CDK15: variants seen among roughly 807,000 people sequenced by gnomAD.
CDK15 encodes cyclin-dependent kinase 15.
CDK15 carries 62 observed loss-of-function variants against 60.3 expected under a neutral mutation model. The ratio of observed to expected loss-of-function variants is 1.03; its 90% CI spans 0.84 to 1.27. The LOEUF is 1.27. Among genes scored for constraint, CDK15 ranks in the 50% most tolerant of loss-of-function variants. The pLI is 0.00. For synonymous variants in CDK15, 194 were observed against 195.7 expected (o/e 0.99, Z 0.07); for missense variants, 541 against 527.8 (o/e 1.03, Z -0.25).
chr2:201,836,000 ATTTATATT>A (rs1469931023), intron 8 of CDK15, among the ~76,000 whole-genome samples: 17 of 110,490 alleles, frequency 1.5e-4, no homozygotes, highest in Middle Eastern at 4.3e-3. Flanking sequence ...ATTTATATAT[ATTTATATT>A]TTTATATTTT....
chr2:201,871,121 T>C (rs763536141), intron 10 of CDK15, among the ~76,000 whole-genome samples: 1 of 152,216 alleles, frequency 6.6e-6, no homozygotes, highest in Non-Finnish European at 1.5e-5. Flanking sequence ...AAGTGACATA[T>C]AAAATTAGCT....
intron 6 of CDK15, among the ~76,000 whole-genome samples, chr2:201,825,834 G>T (rs1356339810): frequency 3.3e-5 from 5 of 152,160 alleles, no homozygotes; most frequent in Admixed American, 6.5e-5. Context: ...TCTAATCTGA[G>T]GGAAGGAAGT....
intron 8 of CDK15, among the ~76,000 whole-genome samples, chr2:201,842,134 G>C (rs183529358): frequency 6.6e-6 from 1 of 152,088 alleles, no homozygotes; most frequent in African/African-American, 2.4e-5. Context: ...CGTATTAAAT[G>C]ATAATTTCCC....
chr2:201,870,527 A>AG (rs1304217841), intron 10 of CDK15, among the ~76,000 whole-genome samples: 2 of 151,032 alleles, frequency 1.3e-5, no homozygotes, highest in East Asian at 3.9e-4. Flanking sequence ...TGGACAAAAA[A>AG]AAAAAAGCGA....
intron 10 of CDK15, among the ~76,000 whole-genome samples, chr2:201,865,751 G>T (rs1418638191): frequency 2.0e-5 from 3 of 152,014 alleles, no homozygotes; most frequent in Non-Finnish European, 4.4e-5. Context: ...TTAGCCAGGT[G>T]TGGTGGTGTG....
chr2:201,816,180 G>GTATA (rs1461094256), intron 4 of CDK15, among the ~76,000 whole-genome samples: 1 of 152,086 alleles, frequency 6.6e-6, no homozygotes, highest in Non-Finnish European at 1.5e-5. Flanking sequence ...TGTTACATGA[G>GTATA]TATATTGCAT....
chr2:201,860,374 A>G lies in CDK15; in HGVS notation c.1009+5437A>G, dbSNP rs555432387. 3.3e-5 allele frequency among the ~76,000 whole-genome samples: 5 copies of G among 152,354 alleles called. 1 individual carries two copies. The South Asian group carries it at 1.0e-3, about 32-fold the overall frequency. On this transcript the variant is annotated intron_variant, in intron 10 of 13. Transcript: ENST00000652192. ...AGTCAATGCATTTGCCAAATTGGCA[A>G]TTAGTTCCTGATGTGCGTGCAAAGC...
intron 12 of CDK15, chr2:201,888,416 C>CA (rs1699535680): frequency 2.0e-6 from 3 of 1,528,762 alleles, no homozygotes; most frequent in Non-Finnish European, 2.6e-6. Context: ...TTTCCCTTCT[C>CA]AAAAAATTTT....
At chr2:201,855,478 T>C (rs1039886514) in intron 10 of CDK15, among the ~76,000 whole-genome samples, 1 of 152,160 alleles carries the variant, frequency 6.6e-6, no homozygotes, top group South Asian at 2.1e-4. Context: ...GCTTCTGGGA[T>C]CGATTTAGAA....
At chr2:201,890,647 C>T (rs1699611238) in intron 12 of CDK15, 138 bp from the exon 13 acceptor site, 1 of 600,654 alleles carries the variant, frequency 1.7e-6, no homozygotes, top group Non-Finnish European at 2.9e-6. Context: ...ATCTATGAGT[C>T]AGTATGAATT....
chr2:201,884,769 A>T (rs1034176221), intron 12 of CDK15, among the ~76,000 whole-genome samples: 1 of 152,198 alleles, frequency 6.6e-6, no homozygotes, highest in African/African-American at 2.4e-5. Context: ...AATTTCTTGC[A>T]TGGTGGGAGA....
At chr2:201,874,877 C>T (rs1358266794) in intron 11 of CDK15, among the ~76,000 whole-genome samples, 1 of 152,214 alleles carries the variant, frequency 6.6e-6, no homozygotes, top group African/African-American at 2.4e-5. Context: ...TACTCTATCC[C>T]TGCCCTGTTC....
intron 10 of CDK15, among the ~76,000 whole-genome samples, chr2:201,855,338 G>A (rs1574907180): frequency 6.6e-6 from 1 of 152,330 alleles, no homozygotes; most frequent in East Asian, 1.9e-4. Context: ...ACAGAACAGA[G>A]GTAGAGGCTC....
chr2:201,816,864 C>G (rs796545296), intron 4 of CDK15, among the ~76,000 whole-genome samples: 6 of 152,240 alleles, frequency 3.9e-5, no homozygotes, highest in African/African-American at 1.4e-4. Flanking sequence ...AAGTTACCAC[C>G]CTTTCCCGTA....
chr2:201,821,693 T>C (rs1696226451), intron 4 of CDK15, among the ~76,000 whole-genome samples: 1 of 152,122 alleles, frequency 6.6e-6, no homozygotes, highest in African/African-American at 2.4e-5. Context: ...TTTTTTGAGA[T>C]GGAGTCTCGC....
chr2:201,887,692 G>GA (rs1011786121), intron 12 of CDK15, among the ~76,000 whole-genome samples: 1 of 152,078 alleles, frequency 6.6e-6, no homozygotes, highest in Non-Finnish European at 1.5e-5. Flanking sequence ...GGAGGGAAAG[G>GA]AAAAAATAAA....
upstream of CDK15, chr2:201,806,500 A>T: frequency 1.5e-6 from 1 of 686,698 alleles, no homozygotes; most frequent in Non-Finnish European, 2.2e-6. Context: ...TTGCACTGAT[A>T]AGGAAAAACT....
chr2:201,845,437 A>G (rs1355812687), intron 8 of CDK15, among the ~76,000 whole-genome samples: 1 of 152,134 alleles, frequency 6.6e-6, no homozygotes, highest in Non-Finnish European at 1.5e-5. Flanking sequence ...CTCCTACACA[A>G]TCAATGAAAA....
rs764072704 is a variant in CDK15, at chr2:201,890,831, G to A, written c.1245G>A (p.Met415Ile). Residue 415 changes from methionine (M) to isoleucine (I), a missense_variant, in exon 13 of 14, where the codon ATG (methionine) becomes ATA (isoleucine). Transcript: ENST00000652192. Reference sequence around the variant, plus strand: ...CAGGAGTGAGGCTAAAGCCAGAAATGTGTGACCTTTTGGCCTCCTACCAGA... The same window carrying A: ...CAGGAGTGAGGCTAAAGCCAGAAATATGTGACCTTTTGGCCTCCTACCAGA... ...TVSGVRLKPE[M>I]CDLLASYQKG... is the part of the protein sequence containing the mutation. 2.5e-6 allele frequency: 4 copies of A among 1,613,676 alleles called. No homozygotes were observed. Among genetic ancestry groups the A allele is most frequent in the Non-Finnish European group, 2.5e-6 (3 of 1,179,790 alleles).
Sources: allele counts gnomAD v4.1 joint callset (sites outside exome capture counted in the v4.1 genomes callset), GRCh38; gene constraint gnomAD v4.1.1; transcripts MANE v1.5; gene names NCBI Gene and HGNC (gene_info 2026-07-23, HGNC 2026-07-21).